The following MCC variants were observed in gnomAD, a reference collection of about 807,000 sequenced individuals.
MCC encodes the protein MCC regulator of Wnt signaling pathway.
MCC carries 90 observed loss-of-function variants against 116.2 expected under a neutral mutation model. That is an observed-to-expected ratio of 0.77 (90% CI 0.65 to 0.92). The LOEUF (loss-of-function observed/expected upper bound fraction) is 0.92, where lower values mean the gene tolerates loss of function less well. Ranked by LOEUF, MCC falls within the 40% of genes least tolerant of loss-of-function variation. MCC has a pLI of 0.00. For missense variants in MCC, 1,516 were observed against 1,312.2 expected (o/e 1.16, Z -2.40); for synonymous variants, 578 against 510.5 (o/e 1.13, Z -1.78).
intron 3 of MCC, among the ~76,000 whole-genome samples, chr5:113,335,022 C>G (rs1767839359): frequency 6.6e-6 from 1 of 151,706 alleles, no homozygotes; most frequent in East Asian, 1.9e-4. Context: ...ATGCTCTATG[C>G]TGAAGAATTT....
intron 3 of MCC, chr5:113,294,887 A>G: frequency 3.0e-6 from 3 of 985,702 alleles, no homozygotes; most frequent in Non-Finnish European, 3.6e-6. Context: ...AGGGAGCCGG[A>G]GCGGAGCTGC....
intron 14 of MCC, among the ~76,000 whole-genome samples, chr5:113,060,316 G>T (rs893511786): frequency 6.6e-6 from 1 of 152,094 alleles, no homozygotes; most frequent in African/African-American, 2.4e-5. Flanking sequence ...CACCATGCCT[G>T]GCTAAATTTT....
chr5:113,047,711 T>C (rs1752188295), intron 16 of MCC, among the ~76,000 whole-genome samples: 1 of 152,068 alleles, frequency 6.6e-6, no homozygotes, highest in African/African-American at 2.4e-5. Flanking sequence ...AAAAATATGA[T>C]GCACAGAATA....
At chr5:113,484,836 C>T (rs1772472418) in intron 1 of MCC, among the ~76,000 whole-genome samples, 1 of 152,102 alleles carries the variant, frequency 6.6e-6, no homozygotes, top group Non-Finnish European at 1.5e-5. Context: ...TAACCTCCAC[C>T]ACCTTCTATA....
At chr5:113,172,229 T>A (rs1458140485) in intron 3 of MCC, among the ~76,000 whole-genome samples, 3 of 152,180 alleles carry the variant, frequency 2.0e-5, no homozygotes, top group Non-Finnish European at 2.9e-5. Flanking sequence ...GATTCAGAGG[T>A]GACAGCAATG....
At chr5:113,076,025 A>G (rs1317938653) in intron 11 of MCC, among the ~76,000 whole-genome samples, 2 of 152,162 alleles carry the variant, frequency 1.3e-5, no homozygotes, top group African/African-American at 4.8e-5. Context: ...AACTCCGGAC[A>G]CGTCTGAACA....
In MCC at chr5:113,080,741, A is replaced by G. The variant is rs527947475; in HGVS notation, c.1784+2119T>C. ...TGGGTGCAGCACACCAACATGGCAC[A>G]TGTATACCTATGTAAAAAACCTGCA... On this transcript the variant is annotated intron_variant, in intron 11 of 18. Transcript: ENST00000408903. 9.9e-5 allele frequency among the ~76,000 whole-genome samples: 15 copies of G among 151,906 alleles called. 1 individual carries two copies. The highest frequency in any genetic ancestry group is 3.6e-4 in the African/African-American group (15 of 41,456).
intron 3 of MCC, among the ~76,000 whole-genome samples, chr5:113,327,856 A>G (rs189184958): frequency 6.7e-6 from 1 of 149,130 alleles, no homozygotes; most frequent in East Asian, 2.0e-4. Flanking sequence ...ACCTAACATT[A>G]TTATACCTCA....
At chr5:113,054,008 C>T (rs1388805948) in intron 14 of MCC, 49 bp from the exon 15 acceptor site, 2 of 1,330,422 alleles carry the variant, frequency 1.5e-6, no homozygotes, top group East Asian at 4.6e-5. Flanking sequence ...TATTCCAAGT[C>T]ATGGCAAATA....
rs1561405584 is a variant in MCC at position 113,151,346 on chromosome 5, T to C, written c.704A>G (p.Glu235Gly). 1 of 1,613,784 alleles carries C rather than the reference T, an allele frequency of 6.2e-7. No individual in the cohort carries two copies. Reference sequence around the variant, plus strand: ...CAATTTCTTTTCCAGAAGGTCCCGTTCCCTCTCTGTTTGCTGGAGACGTTT... The same window carrying C: ...CAATTTCTTTTCCAGAAGGTCCCGTCCCCTCTCTGTTTGCTGGAGACGTTT... ...LNKRLQQTER[E>G]RDLLEKKLAK... The change falls in exon 4 of 19, where the codon GAA (glutamate) becomes GGA (glycine). Residue 235 changes from glutamate (E) to glycine (G), a missense_variant. By Grantham distance (98) the Glu-to-Gly change is moderately conservative. Coordinates refer to ENST00000408903, the MANE Select transcript of MCC (RefSeq NM_001085377.2).
intron 2 of MCC, among the ~76,000 whole-genome samples, chr5:113,373,374 T>C (rs1010897917): frequency 1.3e-5 from 2 of 152,030 alleles, no homozygotes; most frequent in African/African-American, 4.8e-5. Context: ...TAAAAAAAAA[T>C]TAAATACAAA....
At chr5:113,354,030 C>T (rs565972972) in intron 2 of MCC, among the ~76,000 whole-genome samples, 3 of 152,170 alleles carry the variant, frequency 2.0e-5, no homozygotes, top group Non-Finnish European at 2.9e-5. Flanking sequence ...CTAGATTATG[C>T]TGCAGTAATG....
At chr5:113,149,398 A>C (rs1460517049) in intron 4 of MCC, among the ~76,000 whole-genome samples, 1 of 152,106 alleles carries the variant, frequency 6.6e-6, no homozygotes, top group African/African-American at 2.4e-5. Flanking sequence ...TCTAAGTAAA[A>C]ACTGAAAATT....
intron 13 of MCC, among the ~76,000 whole-genome samples, chr5:113,067,347 T>C (rs1022611458): frequency 2.4e-4 from 37 of 152,298 alleles, no homozygotes; most frequent in Admixed American, 2.1e-3. Context: ...GGGAAACCCA[T>C]GTTTCAAAAC....
chr5:113,337,927 G>A (rs1395022945), intron 3 of MCC, among the ~76,000 whole-genome samples: 1 of 152,024 alleles, frequency 6.6e-6, no homozygotes, highest in African/African-American at 2.4e-5. Context: ...GAGTCACTAT[G>A]GCTATGAAAC....
intron 2 of MCC, among the ~76,000 whole-genome samples, chr5:113,356,282 G>A (rs905020035): frequency 6.6e-5 from 10 of 150,892 alleles, no homozygotes; most frequent in African/African-American, 2.4e-4. Context: ...GGTGATCCTC[G>A]TGCCTCGACC....
intron 3 of MCC, among the ~76,000 whole-genome samples, chr5:113,311,440 T>C (rs1364840222): frequency 6.6e-6 from 1 of 152,182 alleles, no homozygotes; most frequent in Non-Finnish European, 1.5e-5. Context: ...GGTTCAGCAG[T>C]TGCTCTAGTC....
At chr5:113,169,023 C>A (rs1311525595) in intron 3 of MCC, among the ~76,000 whole-genome samples, 1 of 152,080 alleles carries the variant, frequency 6.6e-6, no homozygotes, top group Non-Finnish European at 1.5e-5. Flanking sequence ...TCTGTGCCTC[C>A]CCATCACCAA....
chr5:113,343,737 C>T (rs1768067231), intron 2 of MCC, among the ~76,000 whole-genome samples: 1 of 152,202 alleles, frequency 6.6e-6, no homozygotes, highest in African/African-American at 2.4e-5. Context: ...TAGTACCCTA[C>T]AGTTTCACTT....
Sources: allele counts gnomAD v4.1 joint callset (sites outside exome capture counted in the v4.1 genomes callset), GRCh38; gene constraint gnomAD v4.1.1; transcripts MANE v1.5; gene names NCBI Gene and HGNC (gene_info 2026-07-23, HGNC 2026-07-21).